The following NADK variants were observed in gnomAD, a reference collection of about 807,000 sequenced individuals.
NADK encodes NAD kinase, also known as poly(P)/ATP NAD kinase.
NADK carries 22 observed loss-of-function variants against 49.8 expected under a neutral mutation model. That is an observed-to-expected ratio of 0.44 (90% CI 0.32 to 0.63). The LOEUF (loss-of-function observed/expected upper bound fraction) is 0.63. Ranked by LOEUF, NADK falls within the 30% of genes least tolerant of loss-of-function variation. The probability of loss-of-function intolerance (pLI) is 0.06; values close to 1 mark genes in which losing one functional copy is unlikely to be tolerated. For missense variants in NADK, 438 were observed against 609.4 expected (o/e 0.72, Z 2.96); for synonymous variants, 268 against 253.7 (o/e 1.06, Z -0.54).
upstream of NADK, chr1:1,780,274 T>A (rs887165966): frequency 3.3e-5 from 5 of 152,200 alleles, no homozygotes; most frequent in African/African-American, 1.2e-4. Context: ...TTGATCTAGA[T>A]GGCGCACCCA....
rs1347155386 is a variant in NADK at position 1,763,527 on chromosome 1, G to A, written c.180-1492C>T. Among the ~76,000 whole-genome samples, 4 of 150,416 alleles carry A rather than the reference G, an allele frequency of 2.7e-5. No homozygotes were observed. The East Asian group carries it at 7.8e-4, about 30-fold the overall frequency. On this transcript the variant is annotated intron_variant, in intron 2 of 11. Coordinates refer to ENST00000341426, the MANE Select transcript of NADK (RefSeq NM_023018.5). Reference sequence around the variant, plus strand: ...CCAGCTACTCAGGAGGCTGAGGCAGGAGAATCACTTGAACTCGGGAGGCAG... The same window carrying A: ...CCAGCTACTCAGGAGGCTGAGGCAGAAGAATCACTTGAACTCGGGAGGCAG...
At chr1:1,772,154 C>A (rs1285670203) in intron 1 of NADK, among the ~76,000 whole-genome samples, 1 of 148,746 alleles carries the variant, frequency 6.7e-6, no homozygotes, top group Admixed American at 6.7e-5. Flanking sequence ...CTTAATGGAA[C>A]CCTGAATTTT....
intron 3 of NADK, among the ~76,000 whole-genome samples, chr1:1,757,617 C>T (rs1235766057): frequency 2.0e-5 from 3 of 152,180 alleles, no homozygotes; most frequent in Non-Finnish European, 2.9e-5. Context: ...AGCCCCCGGC[C>T]ACTTGCCTGC....
chr1:1,771,974 T>G (rs946424794), intron 1 of NADK, among the ~76,000 whole-genome samples: 1 of 21,980 alleles, frequency 4.5e-5, no homozygotes, highest in African/African-American at 6.9e-5. Context: ...CACCTGGAAA[T>G]TTTTTTTTTT....
chr1:1,759,936 G>A lies in NADK; in HGVS notation c.263+2016C>T, dbSNP rs114572917. Reference sequence around the variant, plus strand: ...ACCAGGAAGTGCAGGGAGGGCACCAGGCAGCGGGGGAGAGGCCCGGTGGGG... The same window carrying A: ...ACCAGGAAGTGCAGGGAGGGCACCAAGCAGCGGGGGAGAGGCCCGGTGGGG... On this transcript the variant is annotated intron_variant, in intron 3 of 11. Transcript: ENST00000341426. The A allele has an allele frequency of 2.5e-3, 3,849 of 1,549,052 alleles. 9 individuals are homozygous for A. Among genetic ancestry groups the A allele is most frequent in the Non-Finnish European group, 3.1e-3 (3,585 of 1,145,932 alleles).
At position 1,756,418 on chromosome 1, in the gene NADK, A is replaced by G. The variant is rs1645524596; in HGVS notation, c.500-75T>C. The G allele has an allele frequency of 8.7e-6, 14 of 1,609,870 alleles. 1 individual carries two copies. Among genetic ancestry groups the G allele is most frequent in the South Asian group, 1.1e-5 (1 of 90,986 alleles). On this transcript the variant is annotated intron_variant, in intron 5 of 11. Transcript: ENST00000341426. ...TCTGTGGCGCAGTGCGCAGACACCA[A>G]TGACAAGGGCAACAGTGCCAGAAGC...
At chr1:1,753,823 A>G (rs1645414353) in intron 10 of NADK, among the ~76,000 whole-genome samples, 174 bp from the exon 11 acceptor site, 1 of 152,180 alleles carries the variant, frequency 6.6e-6, no homozygotes, top group Admixed American at 6.5e-5. Flanking sequence ...CCAGAGACCA[A>G]CAATGGCAGA....
intron 1 of NADK, among the ~76,000 whole-genome samples, chr1:1,773,948 T>C (rs1646134116): frequency 6.6e-6 from 1 of 152,010 alleles, no homozygotes; most frequent in South Asian, 2.1e-4. Context: ...TTGAACGGGC[T>C]GACCTTGAAC....
chr1:1,765,274 G>C lies in NADK; in HGVS notation c.133C>G (p.Arg45Gly), dbSNP rs752122671. ...NHPIRGRAKSRSLSASPALGS... is the reference protein window; with the variant it reads ...NHPIRGRAKSGSLSASPALGS... ...AGGGCGGGCGAGGCAGACAGGCTGCGAGACTTGGCCCGGCCCCGGATGGGG... is the reference window on the plus strand; with the variant it reads ...AGGGCGGGCGAGGCAGACAGGCTGCCAGACTTGGCCCGGCCCCGGATGGGG... The change falls in exon 2 of 12, where the codon CGC (arginine) becomes GGC (glycine). Residue 45 changes from arginine to glycine, a missense_variant. Arg to Gly is a moderately radical substitution (Grantham distance 125, BLOSUM62 -2). Coordinates refer to ENST00000341426, the MANE Select transcript of NADK (RefSeq NM_023018.5). The C allele has an allele frequency of 1.2e-5, 19 of 1,613,036 alleles. No homozygotes were observed. Among genetic ancestry groups the C allele is most frequent in the Non-Finnish European group, 1.5e-5 (18 of 1,179,574 alleles).
intron 2 of NADK, among the ~76,000 whole-genome samples, chr1:1,764,027 G>A (rs1189456116): frequency 1.3e-5 from 2 of 152,228 alleles, no homozygotes; most frequent in African/African-American, 2.4e-5. Context: ...GAAAGGCTGA[G>A]TGGTGACGTG....
intron 10 of NADK, 28 bp from the exon 11 acceptor site, chr1:1,753,677 GC>G (rs746462492): frequency 2.5e-6 from 4 of 1,574,538 alleles, no homozygotes; most frequent in Non-Finnish European, 2.6e-6. Context: ...AGAGGTGTGG[GC>G]CCCCAGCTGT....
At position 1,752,911 on chromosome 1, in the gene NADK, T is replaced by C. The variant is rs770179015; in HGVS notation, c.1334A>G (p.Glu445Gly). ...CCTGGATAGGGGCTTGACCTAGCCC[T>C]CCTCCTCCTCCTCCTCCTCCTCCTC... Reference protein sequence around the residue: ...HFEEEEEEEEEG With the variant: ...HFEEEEEEEEGG The change falls in exon 12 of 12, where the codon GAG becomes GGG. Residue 445 changes from glutamate (E) to glycine (G), a missense_variant. Transcript: ENST00000341426. The C allele has an allele frequency of 2.7e-5, 29 of 1,089,948 alleles. 1 individual carries two copies. Among genetic ancestry groups the C allele is most frequent in the Non-Finnish European group, 3.5e-5 (28 of 797,658 alleles). The allele number at this position is 1,089,948 out of a possible 1,614,324, so 67.5% of individuals were successfully genotyped here.
chr1:1,759,988 G>C, intron 3 of NADK: 1 of 1,433,358 alleles, frequency 7.0e-7, no homozygotes, highest in South Asian at 1.3e-5. Flanking sequence ...AGCACAGGAT[G>C]GCGGGACAGA....
intron 1 of NADK, among the ~76,000 whole-genome samples, chr1:1,774,821 T>C (rs1456588451): frequency 6.6e-6 from 1 of 152,088 alleles, no homozygotes; most frequent in Admixed American, 6.6e-5. Flanking sequence ...TAAAAAACCT[T>C]TGTAGGGCGG....
intron 2 of NADK, among the ~76,000 whole-genome samples, chr1:1,762,657 T>C (rs1039770007): frequency 2.0e-5 from 3 of 152,080 alleles, no homozygotes; most frequent in Non-Finnish European, 4.4e-5. Context: ...CTCAGGAGGC[T>C]GAGGCAAGAG....
rs532915270 is a variant in NADK, at chr1:1,760,006, C to T, written c.263+1946G>A. ...ACAGGATGGCGGGACAGAGCCACGGCGGGGCCGGGAGGGCAGTGGAGCACT... is the reference window on the plus strand; with the variant it reads ...ACAGGATGGCGGGACAGAGCCACGGTGGGGCCGGGAGGGCAGTGGAGCACT... On this transcript the variant is annotated intron_variant, in intron 3 of 11. Transcript: ENST00000341426. The T allele has an allele frequency of 2.0e-4, 264 of 1,305,452 alleles. No individual in the cohort carries two copies. The African/African-American group carries it at 3.0e-3, about 15-fold the overall frequency. The allele number at this position is 1,305,452 out of a possible 1,614,324, so 80.9% of individuals were successfully genotyped here.
In NADK at chr1:1,762,305, GC is replaced by G. The variant is rs1274691508; in HGVS notation, c.180-271del. 3.3e-5 allele frequency among the ~76,000 whole-genome samples: 5 copies of G among 152,098 alleles called. 1 individual carries two copies. The highest frequency in any genetic ancestry group is 7.3e-5 in the Non-Finnish European group (5 of 68,030). ...GAGCTTCAGCCCAAACAAGGAAAAT[GC>G]CAGGGCCAGGGCCAGCCTGGGATCA... is the stretch of plus-strand genomic sequence containing the variant. On this transcript the variant is annotated intron_variant, in intron 2 of 11. Coordinates refer to ENST00000341426, the MANE Select transcript of NADK (RefSeq NM_023018.5).
intron 4 of NADK, chr1:1,756,907 G>A (rs1645542419): frequency 5.0e-6 from 4 of 806,924 alleles, no homozygotes; most frequent in African/African-American, 1.7e-5. Flanking sequence ...CAGCAGGAAG[G>A]CCCACGTCAG....
chr1:1,754,898 T>G lies in NADK; in HGVS notation c.689-200A>C, dbSNP rs966832112. The G allele has an allele frequency of 1.9e-6, 1 of 537,926 alleles. No homozygotes were observed. Among genetic ancestry groups the G allele is most frequent in the Non-Finnish European group, 3.2e-6 (1 of 309,956 alleles). 33.3% of individuals were successfully genotyped at this position (537,926 alleles called of 1,614,324 possible). On this transcript the variant is annotated intron_variant, in intron 7 of 11. Transcript: ENST00000341426. The surrounding 1 kb of genome is among the most constrained non-coding windows in gnomAD (Gnocchi z 4.3). The stretch of plus-strand genomic sequence containing the variant: ...ATGCAGTGGTGTGATCTTGGCTCAC[T>G]GCAACCTCTGCCTCCCAGGTTCAAG...
Sources: allele counts gnomAD v4.1 joint callset (sites outside exome capture counted in the v4.1 genomes callset), GRCh38; gene constraint gnomAD v4.1.1; non-coding constraint Gnocchi (gnomAD v3.1); transcripts MANE v1.5; gene names NCBI Gene and HGNC (gene_info 2026-07-23, HGNC 2026-07-21).